HMCN1: variants seen among roughly 807,000 people sequenced by gnomAD.
The protein encoded by HMCN1 is hemicentin 1.
Under a neutral mutation model 625.9 loss-of-function variants are expected in HMCN1, and 321 were observed. The observed-to-expected ratio is 0.51, with a 90% CI of 0.47 to 0.56. HMCN1 has a LOEUF of 0.56. HMCN1 is among the 20% of genes least tolerant of loss of function. HMCN1 has a pLI of 0.00. For missense variants in HMCN1, 6,588 were observed against 6,887.3 expected (o/e 0.96, Z 1.54); for synonymous variants, 2,425 against 2,417.6 (o/e 1.00, Z -0.09).
intron 103 of HMCN1, among the ~76,000 whole-genome samples, chr1:186,175,779 C>A (rs1267359025): frequency 2.0e-5 from 3 of 149,854 alleles, no homozygotes; most frequent in Non-Finnish European, 4.4e-5. Flanking sequence ...AGCTACTCGG[C>A]AGGCTGAGAC....
chr1:185,820,011 G>A (rs1660086815), intron 1 of HMCN1, among the ~76,000 whole-genome samples: 1 of 152,210 alleles, frequency 6.6e-6, no homozygotes, highest in Middle Eastern at 3.4e-3. Context: ...GTAGCAGGAA[G>A]GAAAAAAGCA....
At chr1:186,088,106 T>G (rs1193741240) in intron 61 of HMCN1, 39 bp from the exon 62 acceptor site, 1 of 1,604,186 alleles carries the variant, frequency 6.2e-7, no homozygotes, top group East Asian at 2.2e-5. Flanking sequence ...AATGATTTTC[T>G]TCTGTTTTTT....
At position 186,062,598 on chromosome 1, in the gene HMCN1, C is replaced by G; in HGVS notation, c.7511C>G (p.Thr2504Arg). Residue 2504 changes from threonine (T) to arginine (R), a missense_variant and splice_region_variant, in exon 48 of 107, where the codon ACA (threonine) becomes AGA (arginine). By Grantham distance (71) the Thr-to-Arg change is moderately conservative. Coordinates refer to ENST00000271588, the MANE Select transcript of HMCN1 (RefSeq NM_031935.3). ...KQSVTLTCEV[T>R]GNPVPEITWH... ...AGTGTTACGCTGACTTGTGAAGTGA[C>G]AGGTATGGGCTCAGCTCTCAGACTT... is the stretch of plus-strand genomic sequence containing the variant. 6.2e-7 allele frequency: 1 copy of G among 1,602,640 alleles called. No homozygotes were observed.
chr1:185,980,730 A>T (rs780913932), intron 16 of HMCN1, among the ~76,000 whole-genome samples: 2 of 152,146 alleles, frequency 1.3e-5, no homozygotes, highest in Non-Finnish European at 2.9e-5. Context: ...CTCAGATATT[A>T]CCTCAGTGTG....
At position 185,865,765 on chromosome 1, in the gene HMCN1, T is replaced by A; in HGVS notation, c.523T>A (p.Cys175Ser). 1 of 1,612,238 alleles carries A rather than the reference T, an allele frequency of 6.2e-7. No homozygotes were observed. The highest frequency in any genetic ancestry group is 8.5e-7 in the Non-Finnish European group (1 of 1,178,846). Reference sequence around the variant, plus strand: ...GGTCGTATTTGTTCTGACTGGAGATTGTGATGACAGGACCCATATTGGATA... The same window carrying A: ...GGTCGTATTTGTTCTGACTGGAGATAGTGATGACAGGACCCATATTGGATA... ...SQVVFVLTGD[C>S]DDRTHIGYKV... Residue 175 changes from cysteine to serine, a missense_variant, in exon 4 of 107, where the codon TGT (cysteine) becomes AGT (serine). Physicochemically the swap from Cys to Ser is moderately radical, Grantham distance 112 (BLOSUM62 -1). Coordinates refer to ENST00000271588, the MANE Select transcript of HMCN1 (RefSeq NM_031935.3).
intron 1 of HMCN1, 67 bp downstream of exon 1, chr1:185,735,114 T>C: frequency 1.3e-6 from 2 of 1,509,742 alleles, no homozygotes; most frequent in Non-Finnish European, 1.8e-6. Flanking sequence ...ATGCTGTGAA[T>C]GAAATTGTTT....
At chr1:186,064,347 T>G (rs1487262890) in intron 48 of HMCN1, among the ~76,000 whole-genome samples, 1 of 152,052 alleles carries the variant, frequency 6.6e-6, no homozygotes, top group Non-Finnish European at 1.5e-5. Context: ...CTAGAGGCTG[T>G]AAATATTAAA....
chr1:185,962,582 C>T lies in HMCN1; in HGVS notation c.1893C>T (p.Ile631=). 6.2e-7 allele frequency: 1 copy of T among 1,605,526 alleles called. No homozygotes were observed. The highest frequency in any genetic ancestry group is 8.5e-7 in the Non-Finnish European group (1 of 1,172,218). Residue 631 remains isoleucine (I), a synonymous_variant, in exon 12 of 107, where the codon ATC becomes ATT. Transcript: ENST00000271588. ...QSFTGGSEVS[I]MCSATGYPKP... ...TCACAGGAGGGTCTGAGGTCTCCAT[C>T]ATGTGTTCTGCAACAGGTTATCCCA... is the stretch of plus-strand genomic sequence containing the variant.
chr1:185,839,207 C>T (rs770784447), intron 1 of HMCN1, among the ~76,000 whole-genome samples: 11 of 152,054 alleles, frequency 7.2e-5, no homozygotes, highest in Non-Finnish European at 1.5e-4. Context: ...TTTTCTTTAT[C>T]CCTAACTAAT....
intron 1 of HMCN1, among the ~76,000 whole-genome samples, chr1:185,795,847 C>T (rs1261651494): frequency 6.6e-6 from 1 of 152,196 alleles, no homozygotes; most frequent in African/African-American, 2.4e-5. Context: ...TCTTATGTCA[C>T]AAGGTCTAGC....
chr1:185,995,974 C>T (rs1652758243), intron 24 of HMCN1, among the ~76,000 whole-genome samples: 1 of 152,106 alleles, frequency 6.6e-6, no homozygotes, highest in African/African-American at 2.4e-5. Context: ...AGTATTAGTA[C>T]AGTACTAAGG....
intron 10 of HMCN1, among the ~76,000 whole-genome samples, chr1:185,928,919 G>A (rs192545425): frequency 1.4e-4 from 22 of 152,136 alleles, no homozygotes; most frequent in Admixed American, 2.6e-4. Context: ...AACAAGAACC[G>A]TCTCATGGGG....
Position 186,078,025 on chromosome 1 carries a change from TAG to T in HMCN1, c.8486-80_8486-79del, listed in dbSNP as rs1658934303. ...TTGAAAGAAAATGTAAGGCAGTCATTAGACCTGAAAATTTGTATCTGTTTATG... is the reference window on the plus strand; with the variant it reads ...TTGAAAGAAAATGTAAGGCAGTCATTACCTGAAAATTTGTATCTGTTTATG... On this transcript the variant is annotated intron_variant, in intron 54 of 106. Transcript: ENST00000271588. The T allele has an allele frequency of 5.0e-6, 5 of 1,007,550 alleles. No homozygotes were observed. In the Admixed American group the frequency reaches 7.6e-5, roughly 15 times the overall value. The allele number at this position is 1,007,550 out of a possible 1,614,324, so 62.4% of individuals were successfully genotyped here. A position where few individuals can be genotyped will look rare whatever the true frequency, so the allele number is the denominator to read the frequency against.
intron 11 of HMCN1, among the ~76,000 whole-genome samples, chr1:185,955,083 C>T (rs760867360): frequency 1.3e-5 from 2 of 152,144 alleles, no homozygotes; most frequent in Admixed American, 6.5e-5. Context: ...CTTTCCTCCT[C>T]ATAGCCACTG....
At position 185,938,624 on chromosome 1, in the gene HMCN1, C is replaced by T. The variant is rs1571586826; in HGVS notation, c.1828+4800C>T. ...GTGGGACTTGGACTCTTGCCAAGAC[C>T]ACGAACACTTAAAAAATTCCAATTT... On this transcript the variant is annotated intron_variant, in intron 11 of 106. Transcript: ENST00000271588. Among the ~76,000 whole-genome samples, 7 of 152,108 alleles carry T rather than the reference C, an allele frequency of 4.6e-5. 1 individual carries two copies. In the South Asian group the frequency reaches 1.5e-3, roughly 32 times the overall value.
At chr1:186,150,487 A>C (rs2102571466) in intron 93 of HMCN1, among the ~76,000 whole-genome samples, 1 of 152,308 alleles carries the variant, frequency 6.6e-6, no homozygotes, top group Admixed American at 6.5e-5. Context: ...TAGCACTGGC[A>C]AAAGCACAGT....
chr1:185,954,345 G>A (rs1443724257), intron 11 of HMCN1, among the ~76,000 whole-genome samples: 3 of 152,042 alleles, frequency 2.0e-5, no homozygotes, highest in South Asian at 2.1e-4. Context: ...CTTAGGTTTC[G>A]TTGTGAGAAC....
chr1:185,825,964 C>T (rs74133680), intron 1 of HMCN1, among the ~76,000 whole-genome samples: 8,934 of 152,088 alleles, frequency 0.059, 887 homozygotes, highest in African/African-American at 0.2. Flanking sequence ...TCTATAAAAA[C>T]TAAATATTTA....
intron 4 of HMCN1, among the ~76,000 whole-genome samples, chr1:185,898,838 A>G (rs1665642187): frequency 6.6e-6 from 1 of 152,096 alleles, no homozygotes; most frequent in Admixed American, 6.6e-5. Context: ...AGCTACTGAA[A>G]AGTGAAGAAG....
Sources: gnomAD v4.1 joint callset for allele counts (sites outside exome capture counted in the v4.1 genomes callset) on GRCh38, gnomAD v4.1.1 for gene constraint, MANE v1.5 for transcripts, NCBI Gene and HGNC (gene_info 2026-07-23, HGNC 2026-07-21) for gene names.